Variants in EPB41L4A observed in about 807,000 individuals in gnomAD.
The protein encoded by EPB41L4A is band 4.1-like protein 4A.
Under a neutral mutation model 108.6 loss-of-function variants are expected in EPB41L4A, and 100 were observed. The observed-to-expected ratio is 0.92, with a 90% CI of 0.78 to 1.09. The LOEUF (loss-of-function observed/expected upper bound fraction) is 1.09, where lower values mean the gene tolerates loss of function less well. Ranked by LOEUF, EPB41L4A falls within the 50% of genes least tolerant of loss-of-function variation. The pLI, the probability that EPB41L4A is intolerant of heterozygous loss-of-function variation, is 0.00. For synonymous variants in EPB41L4A, 319 were observed against 289.0 expected, an observed-to-expected ratio of 1.10 and a Z score of -1.05; for missense variants, 1,030 against 842.7, an observed-to-expected ratio of 1.22 and a Z score of -2.75.
chr5:112,321,706 G>A (rs1216305169), intron 1 of EPB41L4A, among the ~76,000 whole-genome samples: 1 of 152,000 alleles, frequency 6.6e-6, no homozygotes, highest in Non-Finnish European at 1.5e-5. Flanking sequence ...AAATAAAAAG[G>A]GCTTTTTAAA....
Position 112,286,206 on chromosome 5 carries a change from T to C in EPB41L4A, c.205-5883A>G, listed in dbSNP as rs147037630. 1.2e-3 allele frequency among the ~76,000 whole-genome samples: 177 copies of C among 152,082 alleles called. 5 individuals carry two copies. The Middle Eastern group carries it at 0.034, about 29-fold the overall frequency. ...CTCACTATTCATTATAATCATTCAC[T>C]TGCAAGTGTCCTCAATTTCCTTGCA... On this transcript the variant is annotated intron_variant, in intron 2 of 22. Coordinates refer to ENST00000261486, the MANE Select transcript of EPB41L4A (RefSeq NM_022140.5).
At chr5:112,290,183 C>A (rs1299122542) in intron 2 of EPB41L4A, among the ~76,000 whole-genome samples, 1 of 152,124 alleles carries the variant, frequency 6.6e-6, no homozygotes. Context: ...ATCATACAAA[C>A]TTTTCTGTGT....
At chr5:112,315,965 A>G (rs1230645145) in intron 1 of EPB41L4A, among the ~76,000 whole-genome samples, 1 of 152,228 alleles carries the variant, frequency 6.6e-6, no homozygotes, top group African/African-American at 2.4e-5. Context: ...TGCCTATTAC[A>G]TATTTCTGGA....
intron 4 of EPB41L4A, among the ~76,000 whole-genome samples, chr5:112,269,876 C>A (rs1752139322): frequency 6.6e-6 from 1 of 152,110 alleles, no homozygotes. Context: ...TATGCACTGC[C>A]CCTGAGATTT....
At chr5:112,193,318 A>G (rs1761798877) in intron 17 of EPB41L4A, among the ~76,000 whole-genome samples, 1 of 151,838 alleles carries the variant, frequency 6.6e-6, no homozygotes. Context: ...TTTTTTCTAT[A>G]TGAGATGAAG....
exon 14 of EPB41L4A, chr5:112,143,086 C>G (rs1321795902): frequency 6.6e-6 from 1 of 152,174 alleles, no homozygotes. Context: ...AATGAGGCCA[C>G]CCTAGACTAG....
chr5:112,261,045 G>C (rs191902621), intron 7 of EPB41L4A, among the ~76,000 whole-genome samples: 35 of 152,192 alleles, frequency 2.3e-4, no homozygotes, highest in Non-Finnish European at 4.9e-4. Context: ...CCTATGGAAA[G>C]TTTTCTTTTA....
At chr5:112,232,298 G>A (rs1007478453) in intron 12 of EPB41L4A, among the ~76,000 whole-genome samples, 6 of 152,236 alleles carry the variant, frequency 3.9e-5, no homozygotes, top group Middle Eastern at 3.4e-3. Context: ...GCATATGAGC[G>A]TGTTCTCTCT....
chr5:112,287,220 G>A (rs1400820178), intron 2 of EPB41L4A, among the ~76,000 whole-genome samples: 1 of 152,182 alleles, frequency 6.6e-6, no homozygotes, highest in African/African-American at 2.4e-5. Flanking sequence ...TTAGATGCCT[G>A]TTAGAATCTC....
intron 1 of EPB41L4A, among the ~76,000 whole-genome samples, chr5:112,309,960 T>C (rs1387677812): frequency 1.3e-5 from 2 of 152,174 alleles, no homozygotes; most frequent in Non-Finnish European, 2.9e-5. Flanking sequence ...AGCGGGATTC[T>C]GCCAACAGCC....
At chr5:112,215,843 T>C (rs1454809623) in intron 12 of EPB41L4A, among the ~76,000 whole-genome samples, 1 of 151,106 alleles carries the variant, frequency 6.6e-6, no homozygotes, top group African/African-American at 2.4e-5. Context: ...TTGAAGAGTA[T>C]GTCAGTCGGG....
intron 1 of EPB41L4A, among the ~76,000 whole-genome samples, chr5:112,360,580 T>C (rs941746694): frequency 9.8e-5 from 15 of 152,302 alleles, no homozygotes; most frequent in Non-Finnish European, 1.3e-4. Context: ...CAGTGCTCAA[T>C]GTTGCCCAGG....
chr5:112,176,192 T>C (rs916038290), intron 18 of EPB41L4A, among the ~76,000 whole-genome samples: 7 of 152,286 alleles, frequency 4.6e-5, no homozygotes, highest in African/African-American at 1.4e-4. Flanking sequence ...ACCATCAGTG[T>C]TGTAGAGATG....
chr5:112,355,913 A>C (rs1758332682), intron 1 of EPB41L4A, among the ~76,000 whole-genome samples: 1 of 152,184 alleles, frequency 6.6e-6, no homozygotes, highest in African/African-American at 2.4e-5. Context: ...TACTGTGTTC[A>C]AGTGATTCAT....
rs1760076319 is a variant in EPB41L4A, at chr5:112,164,011, A to G, written c.*979T>C. The stretch of plus-strand genomic sequence containing the variant: ...ATAAGTATTTTCCCTGTAGATTGCA[A>G]AGTCATCTATGGAGAGGAAAGGTAC... On this transcript the variant is annotated 3_prime_UTR_variant, in exon 23 of 23. Coordinates refer to ENST00000261486, the MANE Select transcript of EPB41L4A (RefSeq NM_022140.5). The G allele has an allele frequency of 6.6e-6, 1 of 152,162 alleles. No homozygotes were observed. Among genetic ancestry groups the G allele is most frequent in the South Asian group, 2.1e-4 (1 of 4,828 alleles). 9.4% of individuals were successfully genotyped at this position (152,162 alleles called of 1,614,324 possible).
rs573672139 is a variant in EPB41L4A at position 112,238,828 on chromosome 5, C to G, written c.965+832G>C. ...CTATGCCTTGCACATCACAGGCTCT[C>G]TCCATTGAACAGAATGAATTGAAAC... On this transcript the variant is annotated intron_variant, in intron 11 of 22. Transcript: ENST00000261486. Among the ~76,000 whole-genome samples, 14 of 152,314 alleles carry G rather than the reference C, an allele frequency of 9.2e-5. No individual in the cohort carries two copies. The East Asian group carries it at 2.5e-3, about 27-fold the overall frequency.
intron 11 of EPB41L4A, among the ~76,000 whole-genome samples, chr5:112,236,858 G>A (rs914703052): frequency 3.9e-5 from 6 of 152,306 alleles, no homozygotes; most frequent in Admixed American, 3.9e-4. Context: ...AGGGGGATAT[G>A]AAACCTCTTT....
At chr5:112,348,213 C>T (rs532825027) in intron 1 of EPB41L4A, among the ~76,000 whole-genome samples, 1 of 152,294 alleles carries the variant, frequency 6.6e-6, no homozygotes, top group East Asian at 1.9e-4. Flanking sequence ...CAAAGTCCTC[C>T]TCAAGTCTTC....
intron 2 of EPB41L4A, among the ~76,000 whole-genome samples, chr5:112,303,307 G>C (rs1444027107): frequency 6.6e-6 from 1 of 152,136 alleles, no homozygotes; most frequent in African/African-American, 2.4e-5. Context: ...CAATGGATGA[G>C]GATTTTTGTT....
Sources: allele counts gnomAD v4.1 joint callset (sites outside exome capture counted in the v4.1 genomes callset), GRCh38; gene constraint gnomAD v4.1.1; transcripts MANE v1.5; gene names NCBI Gene and HGNC (gene_info 2026-07-23, HGNC 2026-07-21).